The following STRBP variants were observed in gnomAD, a reference collection of about 807,000 sequenced individuals.
STRBP encodes spermatid perinuclear RNA-binding protein.
Under a neutral mutation model 80.1 loss-of-function variants are expected in STRBP, and 13 were observed. The observed-to-expected ratio is 0.16, with a 90% CI of 0.11 to 0.26. The LOEUF (loss-of-function observed/expected upper bound fraction) is 0.26. Among genes scored for constraint, STRBP ranks in the 10% least tolerant of loss-of-function variants. STRBP has a pLI of 1.00. For missense variants in STRBP, 485 were observed against 815.2 expected (o/e 0.59, Z 4.93); for synonymous variants, 284 against 291.2 (o/e 0.98, Z 0.25).
In STRBP at chr9:123,126,169, T is replaced by C. The variant is rs1385004460; in HGVS notation, c.1943-496A>G. On this transcript the variant is annotated intron_variant, in intron 18 of 18. Coordinates refer to ENST00000348403, the MANE Select transcript of STRBP (RefSeq NM_018387.5). The surrounding 1 kb of genome is among the most constrained non-coding windows in gnomAD (Gnocchi z 4.4). ...GGCAAATCTGGAAAGATTAATTACT[T>C]TCTGAATTTGTAATTAATACGTTCT... Among the ~76,000 whole-genome samples, 2 of 152,222 alleles carry C rather than the reference T, an allele frequency of 1.3e-5. No individual in the cohort carries two copies. Among genetic ancestry groups the C allele is most frequent in the South Asian group, 4.1e-4 (2 of 4,832 alleles).
Position 123,132,061 on chromosome 9 carries a change from T to C in STRBP, c.1897+784A>G, listed in dbSNP as rs1484861058. Reference sequence around the variant, plus strand: ...AACAAGACAGCTGGATAATCTACTGTTAAAATGACATAAGAATTAGAAGGG... The same window carrying C: ...AACAAGACAGCTGGATAATCTACTGCTAAAATGACATAAGAATTAGAAGGG... On this transcript the variant is annotated intron_variant, in intron 17 of 18. Coordinates refer to ENST00000348403, the MANE Select transcript of STRBP (RefSeq NM_018387.5). Among the ~76,000 whole-genome samples the C allele has an allele frequency of 2.0e-5, 3 of 152,212 alleles. No homozygotes were observed. In the East Asian group the frequency reaches 5.8e-4, roughly 29 times the overall value.
At chr9:123,109,738 T>A (rs1355550703) in exon 4 of STRBP, 2 of 152,216 alleles carry the variant, frequency 1.3e-5, no homozygotes, top group African/African-American at 2.4e-5. Context: ...ATGTGCAGGC[T>A]GCTGCTTCAG....
chr9:123,193,405 C>T (rs1219906248), intron 2 of STRBP, among the ~76,000 whole-genome samples: 2 of 152,182 alleles, frequency 1.3e-5, no homozygotes, highest in Admixed American at 6.5e-5. Context: ...CAGGGAATTT[C>T]TGACTCGTCC....
At position 123,110,369 on chromosome 9, in the gene STRBP, A is replaced by G. The variant is rs2035545100; in HGVS notation, c.*85-616T>C. The stretch of plus-strand genomic sequence containing the variant: ...CCAAAGTACCCTTGGGAACAGGCCC[A>G]TCAGCCTCACTGTTCCTGGAAGTAC... On this transcript the variant is annotated intron_variant and NMD_transcript_variant, in intron 3 of 3. Transcript: ENST00000471564. The surrounding 1 kb of genome is among the most constrained non-coding windows in gnomAD (Gnocchi z 4.1). 1.2e-5 allele frequency: 2 copies of G among 167,980 alleles called. No homozygotes were observed. The highest frequency in any genetic ancestry group is 5.9e-4 in the Middle Eastern group (1 of 1,696). 10.4% of individuals were successfully genotyped at this position (167,980 alleles called of 1,614,324 possible). A position where few individuals can be genotyped will look rare whatever the true frequency, so the allele number is the denominator to read the frequency against.
intron 11 of STRBP, among the ~76,000 whole-genome samples, chr9:123,153,318 G>A (rs2037142662): frequency 6.6e-6 from 1 of 151,896 alleles, no homozygotes; most frequent in Non-Finnish European, 1.5e-5. Flanking sequence ...AGCCTCCCGA[G>A]TAGCTGGGAT....
At chr9:123,235,301 T>C (rs958717377) in intron 2 of STRBP, among the ~76,000 whole-genome samples, 7 of 151,556 alleles carry the variant, frequency 4.6e-5, no homozygotes, top group Admixed American at 2.0e-4. Flanking sequence ...AGGTTTTTTT[T>C]TTTCATTTTG....
At chr9:123,228,560 C>G (rs2040311061) in intron 2 of STRBP, among the ~76,000 whole-genome samples, 1 of 152,114 alleles carries the variant, frequency 6.6e-6, no homozygotes, top group Non-Finnish European at 1.5e-5. Flanking sequence ...GTGTCAAATG[C>G]TGGGCATAGG....
chr9:123,137,804 C>A (rs898000466), intron 14 of STRBP, among the ~76,000 whole-genome samples: 3 of 152,152 alleles, frequency 2.0e-5, no homozygotes, highest in African/African-American at 7.2e-5. Flanking sequence ...ATGCTTCAGA[C>A]GTGAAACATC....
At chr9:123,173,634 C>T in intron 5 of STRBP, 43 bp downstream of exon 5, 2 of 1,554,492 alleles carry the variant, frequency 1.3e-6, no homozygotes, top group Non-Finnish European at 1.7e-6. Context: ...CCTATTTCAC[C>T]TTTTTACAAA....
At chr9:123,207,901 T>A (rs1185611129) in intron 2 of STRBP, among the ~76,000 whole-genome samples, 1 of 152,234 alleles carries the variant, frequency 6.6e-6, no homozygotes, top group Non-Finnish European at 1.5e-5. Context: ...TTTTTGTCTA[T>A]AAGCTTTAAA....
intron 3 of STRBP, among the ~76,000 whole-genome samples, chr9:123,180,338 T>TA (rs986215936): frequency 3.3e-5 from 5 of 152,184 alleles, no homozygotes; most frequent in African/African-American, 7.2e-5. Flanking sequence ...AAGAAAACTA[T>TA]AAAAAACATT....
At chr9:123,267,132 C>T (rs1045231245) in intron 1 of STRBP, among the ~76,000 whole-genome samples, 14 of 140,716 alleles carry the variant, frequency 9.9e-5, no homozygotes, top group Admixed American at 3.3e-4. Context: ...CCCTTTTGCC[C>T]TCCACCTCAC....
At chr9:123,185,700 C>T (rs1321231798) in intron 2 of STRBP, among the ~76,000 whole-genome samples, 1 of 152,110 alleles carries the variant, frequency 6.6e-6, no homozygotes, top group Admixed American at 6.5e-5. Context: ...CTAAGGGATT[C>T]GGCTAGTCAC....
chr9:123,236,073 C>T (rs1444187916), intron 2 of STRBP, among the ~76,000 whole-genome samples: 1 of 152,146 alleles, frequency 6.6e-6, no homozygotes, highest in East Asian at 1.9e-4. Context: ...TACAAAAATA[C>T]TCAAAATACT....
intron 8 of STRBP, 73 bp from the exon 9 acceptor site, chr9:123,159,280 A>G: frequency 9.4e-7 from 1 of 1,069,014 alleles, no homozygotes; most frequent in Non-Finnish European, 1.4e-6. Flanking sequence ...GTGAGCTAAC[A>G]TTTCTATCTA....
chr9:123,159,010 T>C (rs2287014), intron 9 of STRBP, 86 bp downstream of exon 9: 21,527 of 1,091,670 alleles, frequency 0.02, 388 homozygotes, highest in South Asian at 0.06. Context: ...TTTTCCTGTG[T>C]AGAGAACAAA....
intron 2 of STRBP, among the ~76,000 whole-genome samples, chr9:123,235,919 G>T (rs1281946202): frequency 1.3e-5 from 2 of 152,080 alleles, no homozygotes; most frequent in Non-Finnish European, 2.9e-5. Context: ...TGTGTAAAAG[G>T]CTCCATCTTA....
chr9:123,178,615 C>G (rs1368385593), intron 4 of STRBP, among the ~76,000 whole-genome samples: 2 of 152,138 alleles, frequency 1.3e-5, no homozygotes, highest in Non-Finnish European at 2.9e-5. Context: ...TTCTTCTACA[C>G]AAGGATTTTT....
At chr9:123,190,876 G>C (rs1226228155) in intron 2 of STRBP, among the ~76,000 whole-genome samples, 6 of 152,096 alleles carry the variant, frequency 3.9e-5, no homozygotes, top group Non-Finnish European at 7.4e-5. Flanking sequence ...CCCAATCACT[G>C]GTGCCTTATG....
Sources: gnomAD v4.1 joint callset for allele counts (sites outside exome capture counted in the v4.1 genomes callset) on GRCh38, gnomAD v4.1.1 for gene constraint, Gnocchi (gnomAD v3.1) non-coding constraint, MANE v1.5 for transcripts, NCBI Gene and HGNC (gene_info 2026-07-23, HGNC 2026-07-21) for gene names.